The following RAP1GAP2 variants were observed in gnomAD, a reference collection of about 807,000 sequenced individuals.
The protein encoded by RAP1GAP2 is RAP1 GTPase activating protein 2.
A neutral mutation model predicts 95.0 loss-of-function variants in RAP1GAP2; 27 were observed. The observed-to-expected ratio is 0.28, with a 90% CI of 0.21 to 0.39. RAP1GAP2 has a LOEUF of 0.39. RAP1GAP2 is among the 10% of genes least tolerant of loss of function. The probability of loss-of-function intolerance (pLI) is 1.00; values close to 1 mark genes in which losing one functional copy is unlikely to be tolerated. For synonymous variants in RAP1GAP2, 373 were observed against 380.9 expected (o/e 0.98, Z 0.24); for missense variants, 771 against 970.0 (o/e 0.79, Z 2.72).
chr17:2,774,512 C>T (rs190560316), upstream of RAP1GAP2, among the ~76,000 whole-genome samples: 1,662 of 141,408 alleles, frequency 0.012, 33 homozygotes, highest in African/African-American at 0.041. Flanking sequence ...GATGGAGTCT[C>T]GCTCTGTCAC....
At position 2,992,205 on chromosome 17, in the gene RAP1GAP2, G is replaced by C. The variant is rs188603911; in HGVS notation, c.914+808G>C. ...TGAGATGGAGTCATGCGCTTTGCCA[G>C]GCTGGAATGCAGTGGTGCGATCTTG... On this transcript the variant is annotated intron_variant, in intron 12 of 24. Transcript: ENST00000254695. 7.5e-4 allele frequency among the ~76,000 whole-genome samples: 110 copies of C among 146,784 alleles called. 3 individuals are homozygous for C. In the Middle Eastern group the frequency reaches 0.023, roughly 31 times the overall value.
intron 22 of RAP1GAP2, among the ~76,000 whole-genome samples, chr17:3,030,097 C>T (rs2047243766): frequency 6.8e-6 from 1 of 146,892 alleles, no homozygotes; most frequent in African/African-American, 2.5e-5. Context: ...TATAGATACA[C>T]ATAATATACA....
At chr17:2,843,422 A>T (rs548480482) in intron 2 of RAP1GAP2, among the ~76,000 whole-genome samples, 112 of 151,586 alleles carry the variant, frequency 7.4e-4, no homozygotes, top group African/African-American at 1.8e-3. Context: ...AGTAGCTGGG[A>T]TTACAGGTGC....
rs541584408 is a variant in RAP1GAP2 at position 2,931,292 on chromosome 17, G to A, written c.165+25924G>A. On this transcript the variant is annotated intron_variant, in intron 3 of 24. Coordinates refer to ENST00000254695, the MANE Select transcript of RAP1GAP2 (RefSeq NM_015085.5). Reference sequence around the variant, plus strand: ...GAGTGAGTGTTTCTTGTGTGTGTGTGTGTGTGTGTGTGTGTGTGTGTTGGG... The same window carrying A: ...GAGTGAGTGTTTCTTGTGTGTGTGTATGTGTGTGTGTGTGTGTGTGTTGGG... 5.3e-5 allele frequency among the ~76,000 whole-genome samples: 8 copies of A among 151,444 alleles called. No homozygotes were observed. In the South Asian group the frequency reaches 1.7e-3, roughly 32 times the overall value.
chr17:2,954,229 T>C (rs12600830), intron 3 of RAP1GAP2, among the ~76,000 whole-genome samples: 16,716 of 151,186 alleles, frequency 0.11, 937 homozygotes, highest in South Asian at 0.18. Flanking sequence ...CTCAGCCTCC[T>C]GAGTAGCTGG....
chr17:2,912,767 A>G (rs2042432315), intron 3 of RAP1GAP2, among the ~76,000 whole-genome samples: 1 of 152,220 alleles, frequency 6.6e-6, no homozygotes, highest in East Asian at 1.9e-4. Flanking sequence ...GCCACTGCCC[A>G]TTGTTCTCTT....
At chr17:2,921,009 C>T (rs1338327319) in intron 3 of RAP1GAP2, among the ~76,000 whole-genome samples, 1 of 152,076 alleles carries the variant, frequency 6.6e-6, no homozygotes, top group Non-Finnish European at 1.5e-5. Flanking sequence ...ATCTGTGCCT[C>T]AGTGGGTTCC....
chr17:2,950,606 T>C (rs1052125008), intron 3 of RAP1GAP2, among the ~76,000 whole-genome samples: 7 of 744 alleles, frequency 9.4e-3, no homozygotes, highest in Non-Finnish European at 0.022. Flanking sequence ...TTTGCTTCAA[T>C]TTTTTTTTTT....
chr17:2,882,962 G>T (rs1225307293), intron 2 of RAP1GAP2, among the ~76,000 whole-genome samples: 1 of 152,238 alleles, frequency 6.6e-6, no homozygotes, highest in African/African-American at 2.4e-5. Flanking sequence ...TGGGAACCTG[G>T]AAGTTCTTGG....
chr17:2,895,401 T>C (rs2151707033), intron 2 of RAP1GAP2, among the ~76,000 whole-genome samples: 1 of 152,310 alleles, frequency 6.6e-6, no homozygotes, highest in East Asian at 1.9e-4. Flanking sequence ...CTCACTCTGC[T>C]CCTTTCCAGC....
intron 2 of RAP1GAP2, among the ~76,000 whole-genome samples, chr17:2,865,682 G>C (rs1213177150): frequency 6.6e-6 from 1 of 152,220 alleles, no homozygotes; most frequent in Non-Finnish European, 1.5e-5. Flanking sequence ...GAGAGTGACA[G>C]CAATAAATGC....
chr17:2,891,797 A>G lies in RAP1GAP2; in HGVS notation c.81-13487A>G, dbSNP rs560764373. 2.0e-4 allele frequency among the ~76,000 whole-genome samples: 29 copies of G among 142,842 alleles called. No homozygotes were observed. In the Admixed American group the frequency reaches 2.1e-3, roughly 10 times the overall value. 93.7% of individuals were successfully genotyped at this position (142,842 alleles called of 152,430 possible). Reference sequence around the variant, plus strand: ...GCTGTTGAAAAGTCTGATGATATGCAGATTCATATTTCTTTTCTTTTTTTT... The same window carrying G: ...GCTGTTGAAAAGTCTGATGATATGCGGATTCATATTTCTTTTCTTTTTTTT... On this transcript the variant is annotated intron_variant, in intron 2 of 24. Coordinates refer to ENST00000254695, the MANE Select transcript of RAP1GAP2 (RefSeq NM_015085.5).
chr17:2,895,582 C>G (rs966448508), intron 2 of RAP1GAP2, among the ~76,000 whole-genome samples: 4 of 31,874 alleles, frequency 1.3e-4, no homozygotes, highest in South Asian at 7.7e-4. Flanking sequence ...CCCTTCCCCG[C>G]TACTTTTTTT....
intron 2 of RAP1GAP2, among the ~76,000 whole-genome samples, chr17:2,872,203 G>C (rs985208321): frequency 2.3e-5 from 2 of 88,568 alleles, no homozygotes; most frequent in South Asian, 4.1e-4. Context: ...GACAGAATGA[G>C]CCTCTGTCTC....
chr17:2,804,592 C>T (rs891072521), intron 2 of RAP1GAP2, among the ~76,000 whole-genome samples: 5 of 152,252 alleles, frequency 3.3e-5, no homozygotes, highest in Non-Finnish European at 7.3e-5. Context: ...GCACCTCCGC[C>T]TCCACGACAC....
In RAP1GAP2 at chr17:2,867,268, T is replaced by A. The variant is rs962683932; in HGVS notation, c.81-38016T>A. On this transcript the variant is annotated intron_variant, in intron 2 of 24. Transcript: ENST00000254695. The surrounding 1 kb of genome is among the most constrained non-coding windows in gnomAD (Gnocchi z 4.5). ...TGAAGTGGCAAGCCCCAATTCAAAT[T>A]AATGTAAAGAAAAAATGAAGCTTTG... 1.3e-5 allele frequency among the ~76,000 whole-genome samples: 2 copies of A among 152,116 alleles called. No individual in the cohort carries two copies. The highest frequency in any genetic ancestry group is 4.8e-5 in the African/African-American group (2 of 41,386).
chr17:2,848,243 C>T lies in RAP1GAP2; in HGVS notation c.80+47693C>T, dbSNP rs575105566. Among the ~76,000 whole-genome samples the T allele has an allele frequency of 5.3e-5, 8 of 152,236 alleles. No homozygotes were observed. In the South Asian group the frequency reaches 8.3e-4, roughly 16 times the overall value. ...AAATGCCACACAAGTCACAGAGATC[C>T]GTTTCCAAAACCTGAGCCAGTTTAG... On this transcript the variant is annotated intron_variant, in intron 2 of 24. Transcript: ENST00000254695.
In RAP1GAP2 at chr17:2,807,567, G is replaced by A. The variant is rs563850719; in HGVS notation, c.80+7017G>A. Among the ~76,000 whole-genome samples, 6 of 152,282 alleles carry A rather than the reference G, an allele frequency of 3.9e-5. No homozygotes were observed. The East Asian group carries it at 1.2e-3, about 29-fold the overall frequency. The stretch of plus-strand genomic sequence containing the variant: ...AAAGGATGGAGGGGGGCCTCCTGGA[G>A]ACCTGGTGATGCCTGAGCTGTCTCC... On this transcript the variant is annotated intron_variant, in intron 2 of 24. Transcript: ENST00000254695.
chr17:2,794,870 CTTTTTTTTTTTT>C (rs148825285), upstream of RAP1GAP2, among the ~76,000 whole-genome samples: 5 of 57,936 alleles, frequency 8.6e-5, no homozygotes, highest in Admixed American at 6.2e-4. Context: ...CGTTTTTTTC[CTTTTTTTTTTTT>C]TTTTTTTTTT....
Sources: allele counts gnomAD v4.1 joint callset (sites outside exome capture counted in the v4.1 genomes callset), GRCh38; gene constraint gnomAD v4.1.1; non-coding constraint Gnocchi (gnomAD v3.1); transcripts MANE v1.5; gene names NCBI Gene and HGNC (gene_info 2026-07-23, HGNC 2026-07-21).